FGF13: variants seen among roughly 807,000 people sequenced by gnomAD.
FGF13 encodes the protein fibroblast growth factor 13.
FGF13 carries 2 observed loss-of-function variants against 19.5 expected under a neutral mutation model. That is an observed-to-expected ratio of 0.10 (90% CI 0.04 to 0.32). The LOEUF (loss-of-function observed/expected upper bound fraction) is 0.32, where lower values mean the gene tolerates loss of function less well. Ranked by LOEUF, FGF13 falls within the 10% of genes least tolerant of loss-of-function variation. The pLI, the probability that FGF13 is intolerant of heterozygous loss-of-function variation, is 1.00. For synonymous variants in FGF13, 72 were observed against 76.9 expected, an observed-to-expected ratio of 0.94 and a Z score of 0.33; for missense variants, 113 against 192.7, an observed-to-expected ratio of 0.59 and a Z score of 2.45.
intron 1 of FGF13, among the ~76,000 whole-genome samples, chrX:139,045,770 A>G (rs772428156): frequency 1.8e-5 from 2 of 112,258 alleles, no homozygotes; most frequent in Non-Finnish European, 3.8e-5. Context: ...CCAGTTCCCA[A>G]TAAGTTCCTC....
chrX:138,994,196 C>G (rs1457471393), intron 1 of FGF13, among the ~76,000 whole-genome samples: 1 of 111,472 alleles, frequency 9.0e-6, no homozygotes. Context: ...CCAGCATAGT[C>G]AGGTTCTGGT....
intron 1 of FGF13, among the ~76,000 whole-genome samples, chrX:138,896,996 C>T (rs1459344933): frequency 1.8e-5 from 2 of 111,686 alleles, no homozygotes; most frequent in Non-Finnish European, 3.8e-5. Flanking sequence ...CATGTTGGGG[C>T]CACTTCAGAG....
At chrX:139,081,185 G>A (rs753953517) in intron 1 of FGF13, among the ~76,000 whole-genome samples, 1 of 110,752 alleles carries the variant, frequency 9.0e-6, no homozygotes, top group African/African-American at 3.3e-5. Context: ...CTCTAACCAA[G>A]ATCACCAACC....
intron 3 of FGF13, among the ~76,000 whole-genome samples, chrX:138,816,146 G>A (rs1031311678): frequency 9.0e-6 from 1 of 111,021 alleles, no homozygotes; most frequent in Non-Finnish European, 1.9e-5. Flanking sequence ...AAAATTCAAG[G>A]GGATAAAAAA....
In FGF13 at chrX:138,998,748, AC is replaced by A. The variant is rs769396813; in HGVS notation, c.-112-134099del. 8.6e-4 allele frequency among the ~76,000 whole-genome samples: 96 copies of A among 111,400 alleles called. 3 individuals carry two copies. The East Asian group carries it at 0.024, about 28-fold the overall frequency. Reference sequence around the variant, plus strand: ...CACAATAATAATGGGAGACTTTAACACCCCACTGTCAACATTAGACAGATCA... The same window carrying A: ...CACAATAATAATGGGAGACTTTAACACCCACTGTCAACATTAGACAGATCA... On this transcript the variant is annotated intron_variant, in intron 1 of 2. Coordinates refer to the FGF13 transcript ENST00000421460.
intron 1 of FGF13, among the ~76,000 whole-genome samples, chrX:138,915,029 C>T (rs1391334037): frequency 9.0e-6 from 1 of 111,238 alleles, no homozygotes; most frequent in Non-Finnish European, 1.9e-5. Context: ...TTAGTAATTT[C>T]CAGGGAGTTG....
At chrX:138,860,196 G>A (rs2091281387) in intron 2 of FGF13, among the ~76,000 whole-genome samples, 1 of 111,672 alleles carries the variant, frequency 9.0e-6, no homozygotes, top group African/African-American at 3.2e-5. Flanking sequence ...ATTTTGGATG[G>A]AAAATTAAAA....
intron 1 of FGF13, among the ~76,000 whole-genome samples, chrX:138,886,611 A>T (rs925397993): frequency 8.9e-6 from 1 of 111,969 alleles, no homozygotes; most frequent in African/African-American, 3.2e-5. Context: ...TTTCTCAGCT[A>T]TAAAATGTGA....
At chrX:139,199,086 C>CT (rs770869399) in intron 1 of FGF13, among the ~76,000 whole-genome samples, 191 of 112,757 alleles carry the variant, frequency 1.7e-3, no homozygotes, top group Non-Finnish European at 1.9e-3. Flanking sequence ...GAAATCCACT[C>CT]TTCAGCCTGT....
rs5976215 is a variant in FGF13, at chrX:138,890,989, G to C, written c.-112-26339C>G. On this transcript the variant is annotated intron_variant, in intron 1 of 2. Transcript: ENST00000421460. ...GCTATAATAAAATACCATAGACTGA[G>C]TGGCTTAAAAAAACATTTGTGGCCG... Among the ~76,000 whole-genome samples the C allele has an allele frequency of 3.6e-5, 4 of 112,136 alleles. No individual in the cohort carries two copies. In the East Asian group the frequency reaches 1.1e-3, roughly 32 times the overall value.
chrX:138,861,547 A>T (rs2091288124), intron 2 of FGF13, among the ~76,000 whole-genome samples: 1 of 112,497 alleles, frequency 8.9e-6, no homozygotes, highest in Admixed American at 9.4e-5. Context: ...GTCATTTCAA[A>T]CAAAATTTCT....
chrX:138,661,250 A>G (rs758736858), intron 3 of FGF13, among the ~76,000 whole-genome samples: 95 of 112,153 alleles, frequency 8.5e-4, no homozygotes, highest in Non-Finnish European at 1.5e-3. Context: ...GGAAAAGGGT[A>G]TAAGAAGCAG....
chrX:139,082,199 T>C, intron 1 of FGF13, among the ~76,000 whole-genome samples: 1 of 111,418 alleles, frequency 9.0e-6, no homozygotes, highest in African/African-American at 3.3e-5. Context: ...GCATTTAGCC[T>C]TTCCTCTGTC....
At chrX:139,072,276 TACACAC>T (rs761988012) in intron 1 of FGF13, among the ~76,000 whole-genome samples, 230 of 99,084 alleles carry the variant, frequency 2.3e-3, no homozygotes, top group Non-Finnish European at 3.9e-3. Flanking sequence ...TCTCTCTCTC[TACACAC>T]ACACACACAC....
intron 3 of FGF13, chrX:138,667,817 T>C (rs1209959911): frequency 1.5e-5 from 5 of 324,559 alleles, no homozygotes; most frequent in Non-Finnish European, 3.2e-5. Context: ...CACTCCATAT[T>C]TTCTGTCTTC....
chrX:138,829,440 AGAC>A (rs1290096671), intron 3 of FGF13, among the ~76,000 whole-genome samples: 1 of 111,301 alleles, frequency 9.0e-6, no homozygotes, highest in Non-Finnish European at 1.9e-5. Flanking sequence ...TGATCTCTGC[AGAC>A]GCCTGTTCTG....
chrX:138,826,799 C>G (rs1196474706), intron 3 of FGF13, among the ~76,000 whole-genome samples: 2 of 112,299 alleles, frequency 1.8e-5, no homozygotes, highest in Non-Finnish European at 3.8e-5. Context: ...CTTTATAAAT[C>G]CAAATACTCA....
At chrX:139,086,943 G>A (rs749321425) in intron 1 of FGF13, among the ~76,000 whole-genome samples, 4 of 112,252 alleles carry the variant, frequency 3.6e-5, no homozygotes, top group Non-Finnish European at 5.6e-5. Context: ...ATTTCATCAC[G>A]TTGTTATCAT....
chrX:139,110,371 C>G (rs2083592351), intron 1 of FGF13, among the ~76,000 whole-genome samples: 1 of 110,052 alleles, frequency 9.1e-6, no homozygotes, highest in Non-Finnish European at 1.9e-5. Context: ...TCCAATAATT[C>G]CCACCGAGGG....
Sources: gnomAD v4.1 joint callset for allele counts (sites outside exome capture counted in the v4.1 genomes callset) on GRCh38, gnomAD v4.1.1 for gene constraint, MANE v1.5 for transcripts, NCBI Gene and HGNC (gene_info 2026-07-23, HGNC 2026-07-21) for gene names.